Variants in ZCWPW2 observed in about 807,000 individuals in gnomAD.
ZCWPW2 encodes the protein zinc finger CW-type and PWWP domain containing 2.
Under a neutral mutation model 46.6 loss-of-function variants are expected in ZCWPW2, and 45 were observed. That is an observed-to-expected ratio of 0.96 (90% confidence interval 0.76 to 1.24). The LOEUF (loss-of-function observed/expected upper bound fraction) is 1.24. ZCWPW2 is among the 50% of genes most tolerant of loss of function. ZCWPW2 has a pLI of 0.00. For missense variants in ZCWPW2, 429 were observed against 403.9 expected (o/e 1.06, Z -0.53); for synonymous variants, 152 against 137.1 (o/e 1.11, Z -0.76).
chr3:28,367,964 C>T (rs1306301904), intron 1 of ZCWPW2, among the ~76,000 whole-genome samples: 1 of 152,158 alleles, frequency 6.6e-6, no homozygotes, highest in African/African-American at 2.4e-5. Context: ...ACTAGGCTTG[C>T]AACCCCTGCC....
intron 5 of ZCWPW2, among the ~76,000 whole-genome samples, chr3:28,482,287 T>C (rs1017258003): frequency 2.6e-5 from 4 of 152,218 alleles, no homozygotes; most frequent in Non-Finnish European, 4.4e-5. Context: ...CTCTTAGTAA[T>C]ATGCATTTAA....
intron 4 of ZCWPW2, among the ~76,000 whole-genome samples, chr3:28,454,265 A>G (rs1397249584): frequency 6.6e-6 from 1 of 152,184 alleles, no homozygotes; most frequent in Non-Finnish European, 1.5e-5. Context: ...TATTGCATTA[A>G]TAGTGCTGAT....
rs552371641 is a variant in ZCWPW2, at chr3:28,497,027, G to A, written c.657+4854G>A. ...TATAATACATTATTTATGTAATACA[G>A]GGTATTTATATACATTATATAATAC... On this transcript the variant is annotated intron_variant, in intron 6 of 9. Coordinates refer to ENST00000383768, the MANE Select transcript of ZCWPW2 (RefSeq NM_001040432.4). Among the ~76,000 whole-genome samples the A allele has an allele frequency of 4.0e-5, 6 of 149,072 alleles. No homozygotes were observed. The East Asian group carries it at 1.2e-3, about 29-fold the overall frequency.
chr3:28,405,187 T>G (rs566902866), intron 2 of ZCWPW2, among the ~76,000 whole-genome samples: 2 of 152,348 alleles, frequency 1.3e-5, no homozygotes, highest in African/African-American at 4.8e-5. Context: ...GTCTTTGATG[T>G]TGATCTTTCC....
chr3:28,413,673 A>G (rs184099421), intron 3 of ZCWPW2, among the ~76,000 whole-genome samples: 16 of 152,164 alleles, frequency 1.1e-4, no homozygotes, highest in African/African-American at 3.1e-4. Context: ...AAATTTTGAT[A>G]TACTGTGTTT....
intron 1 of ZCWPW2, among the ~76,000 whole-genome samples, chr3:28,371,475 C>T (rs6551253): frequency 0.79 from 120,288 of 151,916 alleles, 48,260 homozygotes; most frequent in African/African-American, 0.93. Flanking sequence ...CAAGGAGTTA[C>T]ACATCAAAGG....
At chr3:28,473,109 G>A (rs530711051) in intron 4 of ZCWPW2, among the ~76,000 whole-genome samples, 1 of 152,248 alleles carries the variant, frequency 6.6e-6, no homozygotes, top group East Asian at 1.9e-4. Flanking sequence ...AGAGAAAAGG[G>A]GATCCTTGTA....
intron 8 of ZCWPW2, among the ~76,000 whole-genome samples, chr3:28,517,499 G>A (rs552294875): frequency 1.3e-5 from 2 of 152,240 alleles, no homozygotes; most frequent in African/African-American, 4.8e-5. Context: ...CAGATTTCAT[G>A]AGAACTCACT....
rs1436830308 is a variant in ZCWPW2 at position 28,413,262 on chromosome 3, A to AT, written c.196dup (p.Ser66PhefsTer4). ...CCATGGTACTGCTTCATGAACACTG[A>AT]TTCAAGATATAATAACTGCTCAATT... On this transcript the variant is annotated frameshift_variant, in exon 3 of 10. Coordinates refer to ENST00000383768, the MANE Select transcript of ZCWPW2 (RefSeq NM_001040432.4). LOFTEE classifies it high-confidence loss of function. 1 of 1,613,388 alleles carries AT rather than the reference A, an allele frequency of 6.2e-7. No homozygotes were observed. The highest frequency in any genetic ancestry group is 2.2e-5 in the East Asian group (1 of 44,820).
intron 6 of ZCWPW2, among the ~76,000 whole-genome samples, chr3:28,497,004 T>A (rs1575209561): frequency 6.7e-6 from 1 of 150,220 alleles, no homozygotes; most frequent in South Asian, 2.1e-4. Context: ...ATACATTATA[T>A]AATACATTAT....
intron 4 of ZCWPW2, among the ~76,000 whole-genome samples, chr3:28,476,291 G>T (rs1699235829): frequency 6.6e-6 from 1 of 151,978 alleles, no homozygotes; most frequent in Admixed American, 6.6e-5. Context: ...ATTTAAAAAT[G>T]CAAAGCACAG....
chr3:28,520,371 A>G (rs1347238371), intron 8 of ZCWPW2, among the ~76,000 whole-genome samples: 2 of 152,184 alleles, frequency 1.3e-5, no homozygotes, highest in East Asian at 1.9e-4. Flanking sequence ...ATGTGTTGCA[A>G]TTTGGATTGG....
intron 1 of ZCWPW2, among the ~76,000 whole-genome samples, chr3:28,386,714 A>G (rs943854216): frequency 6.6e-6 from 1 of 152,210 alleles, no homozygotes; most frequent in African/African-American, 2.4e-5. Context: ...TTAAGGTTAT[A>G]TGATTATAGA....
intron 5 of ZCWPW2, among the ~76,000 whole-genome samples, chr3:28,481,346 C>T (rs13066118): frequency 0.2 from 30,865 of 151,982 alleles, 3,558 homozygotes; most frequent in Middle Eastern, 0.29. Flanking sequence ...TGGGTTCTAG[C>T]AATTCTCCTG....
At chr3:28,438,671 G>GA (rs1250841892) in intron 4 of ZCWPW2, among the ~76,000 whole-genome samples, 3 of 151,522 alleles carry the variant, frequency 2.0e-5, no homozygotes, top group Admixed American at 6.6e-5. Context: ...TCATTTAAAG[G>GA]AAAAAAAATC....
intron 5 of ZCWPW2, among the ~76,000 whole-genome samples, chr3:28,480,187 C>T (rs1699379499): frequency 6.6e-6 from 1 of 152,176 alleles, no homozygotes; most frequent in African/African-American, 2.4e-5. Context: ...CTCCTACCAA[C>T]AGTGTATAAG....
At chr3:28,400,951 A>T (rs1002642401) in intron 2 of ZCWPW2, among the ~76,000 whole-genome samples, 3 of 152,206 alleles carry the variant, frequency 2.0e-5, no homozygotes, top group Middle Eastern at 6.8e-3. Context: ...AGGCCGAGGC[A>T]GGTGGATCAC....
At chr3:28,353,927 G>T (rs1243772179) in intron 1 of ZCWPW2, among the ~76,000 whole-genome samples, 2 of 152,168 alleles carry the variant, frequency 1.3e-5, no homozygotes, top group Non-Finnish European at 2.9e-5. Context: ...TAAGAGAAAT[G>T]CTCGTCTGAG....
chr3:28,437,993 C>T (rs1697568754), intron 4 of ZCWPW2, among the ~76,000 whole-genome samples: 1 of 152,174 alleles, frequency 6.6e-6, no homozygotes, highest in African/African-American at 2.4e-5. Context: ...GGACTGTATG[C>T]TGCAGTTAAT....
Sources: allele counts gnomAD v4.1 joint callset (sites outside exome capture counted in the v4.1 genomes callset), GRCh38; gene constraint gnomAD v4.1.1; transcripts MANE v1.5; gene names NCBI Gene and HGNC (gene_info 2026-07-23, HGNC 2026-07-21).